Variants in SGCD observed in about 807,000 individuals in gnomAD.
SGCD encodes the protein delta-sarcoglycan.
In SGCD, 18 loss-of-function variants were observed where a neutral mutation model predicts 36.6. That is an observed-to-expected ratio of 0.49 (90% CI 0.34 to 0.73). SGCD has a LOEUF of 0.73. Among genes scored for constraint, SGCD ranks in the 30% least tolerant of loss-of-function variants. The probability of loss-of-function intolerance (pLI) is 0.01; values close to 1 mark genes in which losing one functional copy is unlikely to be tolerated. For missense variants in SGCD, 387 were observed against 346.7 expected (o/e 1.12, Z -0.92); for synonymous variants, 133 against 130.6 (o/e 1.02, Z -0.12).
rs148690229 is a variant in SGCD, at chr5:156,436,752, A to G, written c.193-71849A>G. On this transcript the variant is annotated intron_variant, in intron 3 of 8. Coordinates refer to ENST00000337851, the MANE Select transcript of SGCD (RefSeq NM_000337.6). ...ATTCTTGCTCTGGTACCTTGAAGGAAATGTCCAAACTCTCTGGTTTTATAA... is the reference window on the plus strand; with the variant it reads ...ATTCTTGCTCTGGTACCTTGAAGGAGATGTCCAAACTCTCTGGTTTTATAA... Among the ~76,000 whole-genome samples the G allele has an allele frequency of 3.8e-3, 584 of 152,286 alleles. 3 individuals are homozygous for G. The highest frequency in any genetic ancestry group is 0.024 in the Middle Eastern group (7 of 294).
the SGCD span, among the ~76,000 whole-genome samples, chr5:155,806,218 G>T: frequency 6.6e-6 from 1 of 152,270 alleles, no homozygotes; most frequent in East Asian, 1.9e-4. Flanking sequence ...GCAGTGGCAC[G>T]ATATCAAATC....
intron 3 of SGCD, among the ~76,000 whole-genome samples, chr5:156,171,044 C>T (rs1046669936): frequency 6.6e-6 from 1 of 152,180 alleles, no homozygotes; most frequent in East Asian, 1.9e-4. Context: ...TGATTTCTGT[C>T]GACATGATTT....
chr5:156,654,644 A>G (rs1190510073), intron 7 of SGCD, among the ~76,000 whole-genome samples: 1 of 152,130 alleles, frequency 6.6e-6, no homozygotes, highest in Non-Finnish European at 1.5e-5. Flanking sequence ...CTGAGTCCTA[A>G]TATCCCTATG....
chr5:155,889,697 T>C lies in SGCD; in HGVS notation c.-282+19273T>C, dbSNP rs113136080. Among the ~76,000 whole-genome samples, 705 of 152,356 alleles carry C rather than the reference T, an allele frequency of 4.6e-3. 2 individuals carry two copies. The highest frequency in any genetic ancestry group is 6.4e-3 in the Non-Finnish European group (434 of 68,028). ...ATTGGAAAGGTAGTCAGGGACCTGC[T>C]CTCTTATTCACAGATCTTGTGGCAT... On this transcript the variant is annotated intron_variant, in intron 1 of 9. Transcript: ENST00000517913.
At chr5:155,920,048 C>G (rs956079932) in intron 1 of SGCD, among the ~76,000 whole-genome samples, 2 of 152,026 alleles carry the variant, frequency 1.3e-5, no homozygotes, top group Non-Finnish European at 2.9e-5. Flanking sequence ...GATTTAGAAC[C>G]CTAGATGCGA....
chr5:156,458,463 A>T (rs1281752250), intron 3 of SGCD: 5 of 1,610,262 alleles, frequency 3.1e-6, no homozygotes, highest in Non-Finnish European at 4.2e-6. Context: ...TCCCCATGGC[A>T]GCTCATCCCC....
intron 4 of SGCD, among the ~76,000 whole-genome samples, chr5:156,532,361 A>G (rs1236147759): frequency 1.3e-5 from 2 of 152,250 alleles, no homozygotes; most frequent in Non-Finnish European, 2.9e-5. Context: ...GTGATTGCTC[A>G]TAAATGTTTG....
intron 3 of SGCD, among the ~76,000 whole-genome samples, chr5:156,357,177 ATTGT>A (rs1204763016): frequency 6.6e-6 from 1 of 152,154 alleles, no homozygotes; most frequent in Non-Finnish European, 1.5e-5. Flanking sequence ...TGTATTGAAC[ATTGT>A]TTGAACAATG....
At chr5:156,386,789 G>C (rs572491715) in intron 3 of SGCD, among the ~76,000 whole-genome samples, 27 of 152,272 alleles carry the variant, frequency 1.8e-4, no homozygotes, top group African/African-American at 6.0e-4. Flanking sequence ...TTGTTTGTTT[G>C]GATGTCATTA....
chr5:156,443,830 A>G (rs1249231020), intron 3 of SGCD, among the ~76,000 whole-genome samples: 1 of 152,172 alleles, frequency 6.6e-6, no homozygotes, highest in Non-Finnish European at 1.5e-5. Context: ...GAAAGAGCAC[A>G]CAGCAGTGGG....
chr5:155,776,313 A>C, the SGCD span, among the ~76,000 whole-genome samples: 14 of 152,110 alleles, frequency 9.2e-5, no homozygotes, highest in African/African-American at 3.1e-4. Flanking sequence ...AAGGGTTCAG[A>C]GTACATTGGA....
the SGCD span, among the ~76,000 whole-genome samples, chr5:155,736,913 G>C: frequency 1.3e-5 from 2 of 152,124 alleles, no homozygotes; most frequent in Non-Finnish European, 2.9e-5. Context: ...GGTGATAGTC[G>C]GATCAGGAAA....
chr5:156,367,186 A>T (rs1334050646), intron 3 of SGCD, among the ~76,000 whole-genome samples: 1 of 152,236 alleles, frequency 6.6e-6, no homozygotes, highest in East Asian at 1.9e-4. Flanking sequence ...AACACATAAG[A>T]TGTTTATCTA....
At chr5:155,792,897 A>C in the SGCD span, among the ~76,000 whole-genome samples, 1 of 152,212 alleles carries the variant, frequency 6.6e-6, no homozygotes, top group Non-Finnish European at 1.5e-5. Context: ...CAATCCTATT[A>C]CTGGGTATAT....
intron 7 of SGCD, among the ~76,000 whole-genome samples, chr5:156,745,280 T>C (rs757408945): frequency 5.3e-5 from 8 of 152,082 alleles, no homozygotes; most frequent in Non-Finnish European, 1.2e-4. Flanking sequence ...CAGCACTGAA[T>C]GAAAGGGGAA....
chr5:156,400,387 T>C (rs898511304), intron 3 of SGCD, among the ~76,000 whole-genome samples: 3 of 152,226 alleles, frequency 2.0e-5, no homozygotes, highest in Admixed American at 2.0e-4. Context: ...CTTGAGGATA[T>C]GATGACCTAC....
intron 1 of SGCD, among the ~76,000 whole-genome samples, chr5:156,009,187 TA>T (rs1456441492): frequency 1.3e-5 from 2 of 152,218 alleles, no homozygotes; most frequent in African/African-American, 4.8e-5. Context: ...TGATGTCCCT[TA>T]ACAACATCAC....
At chr5:156,695,485 A>G (rs1468156111) in intron 7 of SGCD, among the ~76,000 whole-genome samples, 1 of 128,272 alleles carries the variant, frequency 7.8e-6, no homozygotes, top group Non-Finnish European at 1.5e-5. Context: ...ACCTCTCTCG[A>G]TAGATAGATA....
chr5:155,736,500 T>G, the SGCD span, among the ~76,000 whole-genome samples: 4 of 152,290 alleles, frequency 2.6e-5, no homozygotes, highest in East Asian at 7.7e-4. Flanking sequence ...ATCTCATAGG[T>G]TTCTTAAAAT....
Sources: allele counts gnomAD v4.1 joint callset (sites outside exome capture counted in the v4.1 genomes callset), GRCh38; gene constraint gnomAD v4.1.1; transcripts MANE v1.5; gene names NCBI Gene and HGNC (gene_info 2026-07-23, HGNC 2026-07-21).